NPAS3: variants seen among roughly 807,000 people sequenced by gnomAD.
NPAS3 encodes the protein neuronal PAS domain-containing protein 3.
A neutral mutation model predicts 73.1 loss-of-function variants in NPAS3; 14 were observed. That is an observed-to-expected ratio of 0.19 (90% confidence interval 0.13 to 0.30). NPAS3 has a LOEUF of 0.30. Ranked by LOEUF, NPAS3 falls within the 10% of genes least tolerant of loss-of-function variation. The probability of loss-of-function intolerance (pLI) is 1.00; values close to 1 mark genes in which losing one functional copy is unlikely to be tolerated. For missense variants in NPAS3, 1,096 were observed against 1,250.0 expected (o/e 0.88, Z 1.86); for synonymous variants, 620 against 541.5 (o/e 1.14, Z -2.01).
chr14:33,667,675 A>G (rs982294414), intron 5 of NPAS3, among the ~76,000 whole-genome samples: 1 of 152,218 alleles, frequency 6.6e-6, no homozygotes, highest in Non-Finnish European at 1.5e-5. Context: ...CCAAAATAAA[A>G]TAGCAGTATA....
intron 9 of NPAS3, among the ~76,000 whole-genome samples, chr14:33,785,067 G>A (rs983752451): frequency 7.3e-5 from 11 of 151,462 alleles, no homozygotes; most frequent in Non-Finnish European, 1.3e-4. Flanking sequence ...TGCTTTTATA[G>A]TTTTTTTAAA....
At chr14:33,271,497 T>C (rs1257613854) in intron 3 of NPAS3, among the ~76,000 whole-genome samples, 3 of 151,604 alleles carry the variant, frequency 2.0e-5, no homozygotes, top group Non-Finnish European at 4.4e-5. Context: ...TCAGAAAGAG[T>C]CCTTTGCTTC....
intron 3 of NPAS3, among the ~76,000 whole-genome samples, chr14:33,294,930 G>A (rs1392123397): frequency 1.3e-5 from 2 of 152,162 alleles, no homozygotes; most frequent in Admixed American, 6.5e-5. Context: ...AGATCTTTTA[G>A]CGTCTTGCCT....
chr14:33,136,249 C>T (rs775083003), intron 2 of NPAS3, among the ~76,000 whole-genome samples: 9 of 151,822 alleles, frequency 5.9e-5, no homozygotes, highest in East Asian at 3.9e-4. Context: ...TTAGTAGAGA[C>T]AGGGTTTCAC....
chr14:33,242,529 T>C (rs1455615019), intron 3 of NPAS3, among the ~76,000 whole-genome samples: 1 of 152,108 alleles, frequency 6.6e-6, no homozygotes, highest in African/African-American at 2.4e-5. Context: ...TAGTGAATCA[T>C]TTTTCATTCA....
At chr14:33,575,353 A>G (rs2056393013) in intron 5 of NPAS3, among the ~76,000 whole-genome samples, 1 of 152,172 alleles carries the variant, frequency 6.6e-6, no homozygotes, top group South Asian at 2.1e-4. Context: ...AAAATTGAGA[A>G]AGTATTTTCT....
chr14:33,285,893 TA>T (rs2041854301), intron 3 of NPAS3, among the ~76,000 whole-genome samples: 1 of 152,176 alleles, frequency 6.6e-6, no homozygotes, highest in Admixed American at 6.6e-5. Context: ...TCCTCCTAGG[TA>T]AGACTGAATT....
At chr14:33,772,012 G>A (rs1484873266) in intron 7 of NPAS3, among the ~76,000 whole-genome samples, 1 of 152,102 alleles carries the variant, frequency 6.6e-6, no homozygotes, top group African/African-American at 2.4e-5. Context: ...AAATAAAAAG[G>A]GAAAGGAGCG....
chr14:33,210,819 G>A (rs569998419), intron 2 of NPAS3, among the ~76,000 whole-genome samples: 4 of 152,128 alleles, frequency 2.6e-5, no homozygotes, highest in African/African-American at 4.8e-5. Flanking sequence ...AAATCTTTAA[G>A]CATCCACTAA....
At chr14:33,465,174 G>A (rs1308768150) in intron 4 of NPAS3, among the ~76,000 whole-genome samples, 2 of 151,926 alleles carry the variant, frequency 1.3e-5, no homozygotes, top group South Asian at 2.1e-4. Flanking sequence ...GACTATCTTT[G>A]TTTTTTCCAA....
chr14:33,284,760 A>T (rs1241944323), intron 3 of NPAS3, among the ~76,000 whole-genome samples: 3 of 122,708 alleles, frequency 2.4e-5, no homozygotes, highest in Non-Finnish European at 5.3e-5. Flanking sequence ...ATATATCTAT[A>T]TCTATATCTA....
chr14:33,292,155 T>A (rs2042124791), intron 3 of NPAS3, among the ~76,000 whole-genome samples: 1 of 152,232 alleles, frequency 6.6e-6, no homozygotes, highest in South Asian at 2.1e-4. Context: ...GAACTTACAT[T>A]CCAGGGTGTT....
chr14:33,775,248 C>A (rs1394423922), intron 8 of NPAS3, among the ~76,000 whole-genome samples: 2 of 152,086 alleles, frequency 1.3e-5, no homozygotes, highest in Non-Finnish European at 2.9e-5. Flanking sequence ...GAAGAGGAAA[C>A]CATGGGGTGC....
In NPAS3 at chr14:33,640,012, G is replaced by GT. The variant is rs201563525; in HGVS notation, c.559-36196dup. 3.1e-3 allele frequency among the ~76,000 whole-genome samples: 479 copies of GT among 152,220 alleles called. 3 individuals are homozygous for GT. The highest frequency in any genetic ancestry group is 0.011 in the African/African-American group (451 of 41,528). Reference sequence around the variant, plus strand: ...GTGGGTGGATCACCTGAGGCCAGGAGTTTGAGATCAGCCTGGCCAACATGA... The same window carrying GT: ...GTGGGTGGATCACCTGAGGCCAGGAGTTTTGAGATCAGCCTGGCCAACATGA... On this transcript the variant is annotated intron_variant, in intron 5 of 11. Transcript: ENST00000356141.
At position 33,763,847 on chromosome 14, in the gene NPAS3, T is replaced by G. The variant is rs1027648605; in HGVS notation, c.853-10490T>G. ...TTATCTAAATTTGGGGAGTATTGGT[T>G]TTTTTTTTTTCCAAAATATATATGA... On this transcript the variant is annotated intron_variant, in intron 7 of 11. Transcript: ENST00000356141. 2.1e-3 allele frequency among the ~76,000 whole-genome samples: 184 copies of G among 88,692 alleles called. No homozygotes were observed. In the African/African-American group the frequency reaches 0.03, roughly 15 times the overall value. 58.2% of individuals were successfully genotyped at this position (88,692 alleles called of 152,430 possible). A position where few individuals can be genotyped will look rare whatever the true frequency, so the allele number is the denominator to read the frequency against.
intron 5 of NPAS3, among the ~76,000 whole-genome samples, chr14:33,645,543 A>C (rs562183644): frequency 6.6e-6 from 1 of 152,366 alleles, no homozygotes; most frequent in African/African-American, 2.4e-5. Flanking sequence ...AGACAGATTA[A>C]GTATCTGCAT....
At chr14:33,360,015 C>G (rs2045522384) in intron 3 of NPAS3, among the ~76,000 whole-genome samples, 1 of 152,206 alleles carries the variant, frequency 6.6e-6, no homozygotes, top group African/African-American at 2.4e-5. Flanking sequence ...AGAATGTGTT[C>G]AGGCTTGGAG....
intron 6 of NPAS3, among the ~76,000 whole-genome samples, chr14:33,696,087 T>A (rs1186618428): frequency 6.6e-6 from 1 of 152,214 alleles, no homozygotes; most frequent in Non-Finnish European, 1.5e-5. Flanking sequence ...TCCTTCTTAA[T>A]AGCGGTAATA....
At chr14:33,178,200 G>A (rs1170701279) in intron 2 of NPAS3, among the ~76,000 whole-genome samples, 4 of 150,210 alleles carry the variant, frequency 2.7e-5, no homozygotes, top group African/African-American at 9.8e-5. Context: ...TCAGCCTCCC[G>A]AGTGGCTGGG....
Sources: allele counts gnomAD v4.1 joint callset (sites outside exome capture counted in the v4.1 genomes callset), GRCh38; gene constraint gnomAD v4.1.1; transcripts MANE v1.5; gene names NCBI Gene and HGNC (gene_info 2026-07-23, HGNC 2026-07-21).